Variants in ROBO1 observed in about 807,000 individuals in gnomAD.
The protein encoded by ROBO1 is roundabout guidance receptor 1.
In ROBO1, 149 loss-of-function variants were observed where a neutral mutation model predicts 195.9. That is an observed-to-expected ratio of 0.76 (90% CI 0.67 to 0.87). The LOEUF is 0.87. Among genes scored for constraint, ROBO1 ranks in the 40% least tolerant of loss-of-function variants. The pLI, the probability that ROBO1 is intolerant of heterozygous loss-of-function variation, is 0.00. For synonymous variants in ROBO1, 816 were observed against 733.2 expected (o/e 1.11, Z -1.82); for missense variants, 1,933 against 2,068.3 (o/e 0.93, Z 1.27).
Position 79,385,339 on chromosome 3 carries a change from C to T in ROBO1, c.88+204485G>A, listed in dbSNP as rs188473848. On this transcript the variant is annotated intron_variant, in intron 2 of 30. Transcript: ENST00000464233. ...TGTTATCACAAATGTTTGAAAATAGCTTTTTTTAGGAATGCAAATTCAAGA... is the reference window on the plus strand; with the variant it reads ...TGTTATCACAAATGTTTGAAAATAGTTTTTTTTAGGAATGCAAATTCAAGA... 3.0e-3 allele frequency among the ~76,000 whole-genome samples: 463 copies of T among 152,100 alleles called. 1 individual carries two copies. Among genetic ancestry groups the T allele is most frequent in the Non-Finnish European group, 5.3e-3 (362 of 67,928 alleles).
chr3:79,259,451 TTTCAG>T (rs1285069173), intron 2 of ROBO1, among the ~76,000 whole-genome samples: 1 of 152,114 alleles, frequency 6.6e-6, no homozygotes, highest in African/African-American at 2.4e-5. Context: ...AAGCACACTC[TTTCAG>T]TTATCTTAAA....
chr3:79,612,134 T>G (rs1944678798), intron 1 of ROBO1, among the ~76,000 whole-genome samples: 1 of 150,424 alleles, frequency 6.6e-6, no homozygotes, highest in Non-Finnish European at 1.5e-5. Flanking sequence ...ACCCACTAAC[T>G]CGTCATCTAG....
intron 2 of ROBO1, among the ~76,000 whole-genome samples, chr3:79,189,955 C>A (rs1270321270): frequency 1.3e-5 from 2 of 151,474 alleles, no homozygotes; most frequent in Non-Finnish European, 3.0e-5. Context: ...GATACTGAAG[C>A]CAAAATTGGA....
At chr3:79,348,191 A>T (rs907826759) in intron 2 of ROBO1, among the ~76,000 whole-genome samples, 1 of 148,424 alleles carries the variant, frequency 6.7e-6, no homozygotes, top group Admixed American at 6.8e-5. Context: ...ACCCTGGGAG[A>T]CACAAAGAGA....
intron 1 of ROBO1, among the ~76,000 whole-genome samples, chr3:79,597,914 T>C (rs1944227647): frequency 6.6e-6 from 1 of 152,104 alleles, no homozygotes; most frequent in Non-Finnish European, 1.5e-5. Context: ...ACCTCATTTC[T>C]TGAAGATTCC....
intron 7 of ROBO1, 140 bp downstream of exon 7, chr3:78,717,135 A>G: frequency 1.2e-6 from 1 of 823,292 alleles, no homozygotes; most frequent in Non-Finnish European, 1.8e-6. Flanking sequence ...TCCTGCTTCT[A>G]ATTATCTCCA....
intron 4 of ROBO1, among the ~76,000 whole-genome samples, chr3:78,780,543 G>A (rs968968045): frequency 2.6e-5 from 4 of 151,554 alleles, no homozygotes; most frequent in South Asian, 2.1e-4. Flanking sequence ...CTTATTGTAC[G>A]CCTTCCTCTA....
intron 2 of ROBO1, among the ~76,000 whole-genome samples, chr3:79,260,107 A>AT (rs1559771783): frequency 4.1e-5 from 6 of 145,904 alleles, no homozygotes; most frequent in Admixed American, 1.4e-4. Flanking sequence ...CACACACACA[A>AT]ATATATATAT....
At chr3:78,645,535 G>A (rs1216329323) in intron 21 of ROBO1, among the ~76,000 whole-genome samples, 1 of 151,614 alleles carries the variant, frequency 6.6e-6, no homozygotes, top group Admixed American at 6.6e-5. Context: ...CTTTAAGCTG[G>A]TTGTCACATC....
intron 2 of ROBO1, among the ~76,000 whole-genome samples, chr3:79,205,166 C>T (rs956890139): frequency 8.6e-5 from 13 of 151,758 alleles, no homozygotes; most frequent in African/African-American, 3.1e-4. Context: ...TTAATTTTTT[C>T]TATTTTTAGT....
chr3:78,841,208 C>G (rs981691245), intron 4 of ROBO1, among the ~76,000 whole-genome samples: 2 of 151,784 alleles, frequency 1.3e-5, no homozygotes, highest in African/African-American at 4.8e-5. Flanking sequence ...ATGGATAAAC[C>G]AAAATCCCAG....
intron 1 of ROBO1, among the ~76,000 whole-genome samples, chr3:79,756,930 A>T (rs1271283001): frequency 1.3e-5 from 2 of 152,104 alleles, no homozygotes; most frequent in African/African-American, 2.4e-5. Flanking sequence ...TTTTTGGCAT[A>T]TTTTATTTAT....
chr3:79,066,357 T>A (rs1252594729), intron 3 of ROBO1, among the ~76,000 whole-genome samples: 5 of 151,934 alleles, frequency 3.3e-5, no homozygotes, highest in Non-Finnish European at 7.4e-5. Flanking sequence ...CTAGGTTACA[T>A]GGATGTTCTT....
At chr3:78,711,385 TCCTTCCTTCCTTC>T (rs2081718957) in intron 8 of ROBO1, among the ~76,000 whole-genome samples, 3 of 44,310 alleles carry the variant, frequency 6.8e-5, no homozygotes, top group African/African-American at 3.0e-4. Context: ...CTTCCTTCCT[TCCTTCCTTCCTTC>T]CTTTCTTTCT....
chr3:79,660,206 G>A (rs143259435), intron 1 of ROBO1, among the ~76,000 whole-genome samples: 15 of 146,522 alleles, frequency 1.0e-4, no homozygotes, highest in East Asian at 6.2e-4. Context: ...GCCCCAAAAC[G>A]TGGGAACACA....
chr3:79,529,511 C>A (rs992872434), intron 2 of ROBO1, among the ~76,000 whole-genome samples: 1 of 152,030 alleles, frequency 6.6e-6, no homozygotes, highest in Non-Finnish European at 1.5e-5. Context: ...AAAAAGAATT[C>A]AAGAATTCAA....
intron 2 of ROBO1, among the ~76,000 whole-genome samples, chr3:79,354,316 T>C (rs1242253557): frequency 6.6e-6 from 1 of 152,220 alleles, no homozygotes; most frequent in Non-Finnish European, 1.5e-5. Flanking sequence ...CAACCTCCTA[T>C]ACTTGGCACT....
Position 78,631,157 on chromosome 3 carries a change from T to C in ROBO1, c.3626+4A>G. On this transcript the variant is annotated splice_donor_region_variant and intron_variant, in intron 25 of 30. Transcript: ENST00000464233. ...GTTTACATCTGTTTGGATGCTCCTC[T>C]TACCTTTCATCTACAGAAATGTTGT... 6.2e-7 allele frequency: 1 copy of C among 1,609,018 alleles called. No individual in the cohort carries two copies. The highest frequency in any genetic ancestry group is 8.5e-7 in the Non-Finnish European group (1 of 1,177,392).
intron 18 of ROBO1, 59 bp from the exon 19 acceptor site, chr3:78,651,988 T>TGAGTGCGTG: frequency 7.8e-7 from 1 of 1,282,746 alleles, no homozygotes; most frequent in Non-Finnish European, 1.1e-6. Flanking sequence ...ATGCACGCAC[T>TGAGTGCGTG]CATTTGTGGC....
Sources: gnomAD v4.1 joint callset for allele counts (sites outside exome capture counted in the v4.1 genomes callset) on GRCh38, gnomAD v4.1.1 for gene constraint, MANE v1.5 for transcripts, NCBI Gene and HGNC (gene_info 2026-07-23, HGNC 2026-07-21) for gene names.